Variants in DTWD2 observed in about 807,000 individuals in gnomAD.
DTWD2 encodes DTW motif tRNA-uridine aminocarboxypropyltransferase 2.
In DTWD2, 39 loss-of-function variants were observed where a neutral mutation model predicts 31.8. The ratio of observed to expected loss-of-function variants is 1.22; its 90% CI spans 0.95 to 1.60. The LOEUF (loss-of-function observed/expected upper bound fraction) is 1.60, where lower values mean the gene tolerates loss of function less well. Among genes scored for constraint, DTWD2 ranks in the 40% most tolerant of loss-of-function variants. DTWD2 has a pLI of 0.00. For synonymous variants in DTWD2, 180 were observed against 142.8 expected (o/e 1.26, Z -1.86); for missense variants, 515 against 381.5 (o/e 1.35, Z -2.92).
intron 1 of DTWD2, among the ~76,000 whole-genome samples, chr5:118,968,960 G>A (rs1314093194): frequency 6.6e-6 from 1 of 152,222 alleles, no homozygotes; most frequent in Non-Finnish European, 1.5e-5. Flanking sequence ...AGTGGGGGCA[G>A]CTGCCATCTC....
intron 4 of DTWD2, among the ~76,000 whole-genome samples, chr5:118,863,809 G>A (rs148973020): frequency 1.2e-4 from 19 of 152,128 alleles, no homozygotes; most frequent in African/African-American, 4.3e-4. Context: ...TAGTTTCCAA[G>A]TATATATAAT....
chr5:118,918,258 A>G (rs191095372), intron 4 of DTWD2, among the ~76,000 whole-genome samples: 25 of 152,358 alleles, frequency 1.6e-4, no homozygotes, highest in African/African-American at 4.6e-4. Context: ...TTTGGAAAAT[A>G]AAAGAAGGTA....
At chr5:118,912,019 A>G (rs1283823199) in intron 4 of DTWD2, among the ~76,000 whole-genome samples, 1 of 152,202 alleles carries the variant, frequency 6.6e-6, no homozygotes, top group East Asian at 1.9e-4. Context: ...TCTTCACACC[A>G]AGCCATCTTC....
At chr5:118,842,953 CTTTTTTTTTTTT>C in intron 5 of DTWD2, among the ~76,000 whole-genome samples, 1 of 108,810 alleles carries the variant, frequency 9.2e-6, no homozygotes, top group East Asian at 2.5e-4. Flanking sequence ...TCTTCTTCCT[CTTTTTTTTTTTT>C]TTTTTTTTTG....
chr5:118,933,607 C>A (rs1018175010), intron 3 of DTWD2, among the ~76,000 whole-genome samples: 2 of 152,080 alleles, frequency 1.3e-5, no homozygotes, highest in Non-Finnish European at 2.9e-5. Flanking sequence ...AAAGCCCACT[C>A]ATGATAAAAA....
At chr5:118,953,846 T>C (rs1336998512) in intron 1 of DTWD2, among the ~76,000 whole-genome samples, 1 of 152,202 alleles carries the variant, frequency 6.6e-6, no homozygotes, top group East Asian at 1.9e-4. Context: ...TTTCTGGTAT[T>C]AGGTGTGGCC....
intron 4 of DTWD2, among the ~76,000 whole-genome samples, chr5:118,923,410 T>G (rs1242902030): frequency 6.6e-6 from 1 of 152,024 alleles, no homozygotes; most frequent in Non-Finnish European, 1.5e-5. Context: ...AGAGACAAAA[T>G]GGCGAAATAT....
At chr5:118,892,078 A>G (rs777008851) in intron 4 of DTWD2, among the ~76,000 whole-genome samples, 1 of 152,292 alleles carries the variant, frequency 6.6e-6, no homozygotes, top group Non-Finnish European at 1.5e-5. Context: ...ACATGTAATC[A>G]TTACAGATTA....
At chr5:118,904,397 G>A (rs1753280382) in intron 4 of DTWD2, among the ~76,000 whole-genome samples, 1 of 151,986 alleles carries the variant, frequency 6.6e-6, no homozygotes, top group African/African-American at 2.4e-5. Context: ...AAATTTCCAT[G>A]GCATAGTATA....
intron 4 of DTWD2, among the ~76,000 whole-genome samples, chr5:118,906,547 A>C (rs1753336053): frequency 6.6e-6 from 1 of 152,208 alleles, no homozygotes; most frequent in Admixed American, 6.5e-5. Flanking sequence ...ACATACAACA[A>C]AAATTAATTG....
At chr5:118,984,852 A>T (rs1431056217) in intron 1 of DTWD2, among the ~76,000 whole-genome samples, 3 of 152,218 alleles carry the variant, frequency 2.0e-5, no homozygotes. Context: ...TATAATTAAG[A>T]TGCCTAAAAT....
intron 4 of DTWD2, among the ~76,000 whole-genome samples, chr5:118,925,763 T>C (rs1753795764): frequency 6.6e-6 from 1 of 151,470 alleles, no homozygotes; most frequent in South Asian, 2.1e-4. Flanking sequence ...GAGAATGGTG[T>C]GAACCCGGGA....
chr5:118,965,269 GGCAGCCCCCGCCCGGCCA>G (rs1477411408), intron 1 of DTWD2, among the ~76,000 whole-genome samples: 1 of 151,278 alleles, frequency 6.6e-6, no homozygotes, highest in Non-Finnish European at 1.5e-5. Context: ...GGAGGTGGGG[GGCAGCCCCCGCCCGGCCA>G]GCCTCCCCGT....
intron 4 of DTWD2, among the ~76,000 whole-genome samples, chr5:118,894,429 A>G (rs555800294): frequency 2.0e-5 from 3 of 152,340 alleles, no homozygotes; most frequent in Non-Finnish European, 4.4e-5. Flanking sequence ...CTTAAGGGAC[A>G]TACTACCTGA....
At chr5:118,930,051 C>G (rs1243458084) in intron 3 of DTWD2, among the ~76,000 whole-genome samples, 3 of 152,192 alleles carry the variant, frequency 2.0e-5, no homozygotes, top group Non-Finnish European at 4.4e-5. Context: ...GACATAAAAG[C>G]ATCAACCATC....
intron 4 of DTWD2, among the ~76,000 whole-genome samples, chr5:118,907,823 G>T (rs1047919488): frequency 2.0e-5 from 3 of 152,092 alleles, no homozygotes; most frequent in African/African-American, 4.8e-5. Context: ...TTACTCAGGG[G>T]AGGGTCGGTC....
At chr5:118,864,609 G>A (rs1000888601) in intron 4 of DTWD2, among the ~76,000 whole-genome samples, 53 of 148,586 alleles carry the variant, frequency 3.6e-4, no homozygotes, top group African/African-American at 1.1e-3. Context: ...TTGGGAGATA[G>A]GGGCCCTATC....
chr5:118,894,040 CAAAA>C (rs201404024), intron 4 of DTWD2, among the ~76,000 whole-genome samples: 1 of 96,850 alleles, frequency 1.0e-5, no homozygotes, highest in Non-Finnish European at 2.2e-5. Flanking sequence ...GACTCTGTCT[CAAAA>C]AAAAAAAAAA....
rs1755113513 is a variant in DTWD2, at chr5:118,974,934, T to C, written c.218+13360A>G. Among the ~76,000 whole-genome samples the C allele has an allele frequency of 2.0e-5, 3 of 152,226 alleles. No individual in the cohort carries two copies. In the South Asian group the frequency reaches 6.2e-4, roughly 32 times the overall value. ...GCTTCCCTTTGTGGGTAACCCAACC[T>C]TTCTCTCTGGCTGCCCTTAACATTT... On this transcript the variant is annotated intron_variant, in intron 1 of 5. Transcript: ENST00000510708.
Sources: allele counts gnomAD v4.1 joint callset (sites outside exome capture counted in the v4.1 genomes callset), GRCh38; gene constraint gnomAD v4.1.1; transcripts MANE v1.5; gene names NCBI Gene and HGNC (gene_info 2026-07-23, HGNC 2026-07-21).